Variants in MINK1 observed in about 807,000 individuals in gnomAD.
The protein encoded by MINK1 is misshapen-like kinase 1.
Under a neutral mutation model 178.4 loss-of-function variants are expected in MINK1, and 46 were observed. That is an observed-to-expected ratio of 0.26 (90% CI 0.20 to 0.33). The LOEUF (loss-of-function observed/expected upper bound fraction) is 0.33, where lower values mean the gene tolerates loss of function less well. Among genes scored for constraint, MINK1 ranks in the 10% least tolerant of loss-of-function variants. The pLI, the probability that MINK1 is intolerant of heterozygous loss-of-function variation, is 1.00. For missense variants in MINK1, 1,366 were observed against 1,814.9 expected (o/e 0.75, Z 4.49); for synonymous variants, 797 against 709.7 (o/e 1.12, Z -1.96).
chr17:4,897,388 T>C lies in MINK1; in HGVS notation c.*101T>C, dbSNP rs1969661628. 3 of 1,113,000 alleles carry C rather than the reference T, an allele frequency of 2.7e-6. No individual in the cohort carries two copies. The highest frequency in any genetic ancestry group is 4.0e-6 in the Non-Finnish European group (3 of 758,554). The allele number at this position is 1,113,000 out of a possible 1,614,324, so 68.9% of individuals were successfully genotyped here. ...TTTCCCCTCCCTGGGCTTTTGCTTT[T>C]ACTGGTTTGATTTCACTGGAGCCTG... On this transcript the variant is annotated 3_prime_UTR_variant, in exon 32 of 32. Coordinates refer to ENST00000355280, the MANE Select transcript of MINK1 (RefSeq NM_153827.5).
At chr17:4,892,570 G>A (rs2151054302) in intron 18 of MINK1, 58 bp downstream of exon 18, 3 of 1,543,784 alleles carry the variant, frequency 1.9e-6, no homozygotes, top group Non-Finnish European at 2.7e-6. Context: ...CCGCTTCCCT[G>A]GTGATGGCTC....
Position 4,894,766 on chromosome 17 carries a change from G to A in MINK1, c.2917+133G>A, listed in dbSNP as rs1969266746. 1.4e-6 allele frequency: 1 copy of A among 720,660 alleles called. No homozygotes were observed. Among genetic ancestry groups the A allele is most frequent in the Non-Finnish European group, 2.3e-6 (1 of 425,678 alleles). The allele number at this position is 720,660 out of a possible 1,614,324, so 44.6% of individuals were successfully genotyped here. A position where few individuals can be genotyped will look rare whatever the true frequency, so the allele number is the denominator to read the frequency against. ...CTCCCTTGGGCCCTAGCACCTGCCT[G>A]GGCACAGAGGCAAGGAAGAGCCTCT... On this transcript the variant is annotated intron_variant, in intron 24 of 31. Coordinates refer to ENST00000355280, the MANE Select transcript of MINK1 (RefSeq NM_153827.5). This position sits in a 1 kb window ranked among gnomAD's most constrained non-coding sequence, Gnocchi z 4.1.
At chr17:4,839,190 G>A (rs1037517644) in intron 1 of MINK1, among the ~76,000 whole-genome samples, 12 of 152,094 alleles carry the variant, frequency 7.9e-5, no homozygotes, top group Admixed American at 2.6e-4. Flanking sequence ...TAATCTGCCC[G>A]CCTCAGCCTC....
intron 1 of MINK1, chr17:4,875,267 G>C: frequency 2.0e-6 from 1 of 493,310 alleles, no homozygotes; most frequent in South Asian, 1.4e-5. Flanking sequence ...CTGCACTGCA[G>C]TGACAACACC....
At position 4,885,356 on chromosome 17, in the gene MINK1, G is replaced by A; in HGVS notation, c.509-127G>A. 1 of 1,253,294 alleles carries A rather than the reference G, an allele frequency of 8.0e-7. No individual in the cohort carries two copies. The allele number at this position is 1,253,294 out of a possible 1,614,324, so 77.6% of individuals were successfully genotyped here. A position where few individuals can be genotyped will look rare whatever the true frequency, so the allele number is the denominator to read the frequency against. ...GGATGGTGGTGGGGTAAAGGAGGGT[G>A]CTGGGGTGTCTGGGTCGGGCCAGGA... On this transcript the variant is annotated intron_variant, in intron 6 of 31. Coordinates refer to ENST00000355280, the MANE Select transcript of MINK1 (RefSeq NM_153827.5). This position sits in a 1 kb window ranked among gnomAD's most constrained non-coding sequence, Gnocchi z 5.0.
Position 4,885,039 on chromosome 17 carries a change from C to T in MINK1, c.508+37C>T, listed in dbSNP as rs1309715520. The T allele has an allele frequency of 6.2e-7, 1 of 1,601,098 alleles. No individual in the cohort carries two copies. The highest frequency in any genetic ancestry group is 1.1e-5 in the South Asian group (1 of 90,388). The stretch of plus-strand genomic sequence containing the variant: ...CCTTCTGAGGCTGACGAGGACCTTT[C>T]ACCTCCAGAACAGAGAATGAGGGGC... On this transcript the variant is annotated intron_variant, in intron 6 of 31. Transcript: ENST00000355280. The surrounding 1 kb of genome is among the most constrained non-coding windows in gnomAD (Gnocchi z 5.0).
chr17:4,841,452 G>T (rs1179191485), intron 1 of MINK1, among the ~76,000 whole-genome samples: 2 of 152,026 alleles, frequency 1.3e-5, no homozygotes, highest in Non-Finnish European at 2.9e-5. Context: ...CTGAGGATCG[G>T]TAGGGCTGAA....
chr17:4,896,605 C>T lies in MINK1; in HGVS notation c.3775+17C>T. Reference sequence around the variant, plus strand: ...CTTCTGTGGGTGAGTGAGCTGCCGCCCTCCCAGCCACATGCCCCGAGGTGG... The same window carrying T: ...CTTCTGTGGGTGAGTGAGCTGCCGCTCTCCCAGCCACATGCCCCGAGGTGG... On this transcript the variant is annotated intron_variant, in intron 30 of 31. Coordinates refer to ENST00000355280, the MANE Select transcript of MINK1 (RefSeq NM_153827.5). The surrounding 1 kb of genome is among the most constrained non-coding windows in gnomAD (Gnocchi z 4.6). The T allele has an allele frequency of 6.2e-7, 1 of 1,613,352 alleles. No individual in the cohort carries two copies. The highest frequency in any genetic ancestry group is 1.1e-5 in the South Asian group (1 of 91,036).
At chr17:4,869,801 TTTTA>T (rs928803242) in intron 1 of MINK1, among the ~76,000 whole-genome samples, 7 of 142,630 alleles carry the variant, frequency 4.9e-5, no homozygotes, top group Admixed American at 1.5e-4. Flanking sequence ...TTCATTTTTA[TTTTA>T]TTTATTATTT....
intron 1 of MINK1, among the ~76,000 whole-genome samples, chr17:4,852,066 A>ATATAAAT (rs1567566293): frequency 6.6e-6 from 1 of 151,820 alleles, no homozygotes; most frequent in East Asian, 1.9e-4. Flanking sequence ...TTTACCAAGC[A>ATATAAAT]TATAAATTAT....
At chr17:4,871,179 TA>T (rs1293459002) in intron 1 of MINK1, 13 of 204,432 alleles carry the variant, frequency 6.4e-5, no homozygotes, top group South Asian at 1.9e-4. Context: ...TTGTTTGTTT[TA>T]ATTTTTTTTT....
chr17:4,850,302 C>T (rs1008669526), intron 1 of MINK1, among the ~76,000 whole-genome samples: 4 of 152,162 alleles, frequency 2.6e-5, no homozygotes, highest in African/African-American at 7.2e-5. Context: ...TTAGGATAAA[C>T]AGGAGAGACA....
intron 1 of MINK1, among the ~76,000 whole-genome samples, chr17:4,863,647 GT>G (rs1427150540): frequency 6.6e-6 from 1 of 152,058 alleles, no homozygotes; most frequent in Non-Finnish European, 1.5e-5. Flanking sequence ...GTGTTTAATT[GT>G]TGTAAACTTT....
intron 1 of MINK1, chr17:4,834,674 A>T (rs1450570802): frequency 1.0e-5 from 5 of 487,530 alleles, no homozygotes; most frequent in African/African-American, 9.8e-5. Context: ...TAGTGATTTC[A>T]AGGTGAACAC....
At chr17:4,860,303 T>C (rs1226132726) in intron 1 of MINK1, among the ~76,000 whole-genome samples, 1 of 152,192 alleles carries the variant, frequency 6.6e-6, no homozygotes. Context: ...CCTGCATTTC[T>C]AGATTTCCAC....
intron 1 of MINK1, among the ~76,000 whole-genome samples, chr17:4,858,916 C>T (rs916500464): frequency 6.6e-6 from 1 of 152,156 alleles, no homozygotes; most frequent in Non-Finnish European, 1.5e-5. Context: ...GAGGTCTTCT[C>T]CCCTAGCCTC....
At chr17:4,870,701 T>G (rs1470902612) in intron 1 of MINK1, among the ~76,000 whole-genome samples, 1 of 152,078 alleles carries the variant, frequency 6.6e-6, no homozygotes, top group Non-Finnish European at 1.5e-5. Context: ...GGTGCGCACC[T>G]GTAGTCCCAG....
rs1020228322 is a variant in MINK1 at position 4,896,563 on chromosome 17, G to A, written c.3750G>A (p.Gln1250=). The A allele has an allele frequency of 2.5e-6, 4 of 1,613,852 alleles. No homozygotes were observed. Among genetic ancestry groups the A allele is most frequent in the African/African-American group, 2.7e-5 (2 of 74,918 alleles). Residue 1250 remains glutamine (Q), a synonymous_variant, in exon 30 of 32, where the codon CAG becomes CAA. Transcript: ENST00000355280. This position sits in a 1 kb window ranked among gnomAD's most constrained non-coding sequence, Gnocchi z 4.6. The part of the protein sequence containing the change: ...YGRIIKDVVL[Q]WGEMPTSVAY... Reference sequence around the variant, plus strand: ...GCATCATTAAGGATGTGGTGCTGCAGTGGGGGGAGATGCCTACTTCTGTGG... The same window carrying A: ...GCATCATTAAGGATGTGGTGCTGCAATGGGGGGAGATGCCTACTTCTGTGG...
intron 1 of MINK1, among the ~76,000 whole-genome samples, chr17:4,846,227 A>G (rs930640978): frequency 6.6e-6 from 1 of 152,338 alleles, no homozygotes; most frequent in African/African-American, 2.4e-5. Flanking sequence ...CTGCAGTGCA[A>G]AAGACCTCTG....
Sources: allele counts gnomAD v4.1 joint callset (sites outside exome capture counted in the v4.1 genomes callset), GRCh38; gene constraint gnomAD v4.1.1; non-coding constraint Gnocchi (gnomAD v3.1); transcripts MANE v1.5; gene names NCBI Gene and HGNC (gene_info 2026-07-23, HGNC 2026-07-21).